STK33: variants seen among roughly 807,000 people sequenced by gnomAD.
STK33 encodes serine/threonine-protein kinase 33.
In STK33, 52 loss-of-function variants were observed where a neutral mutation model predicts 58.0. That is an observed-to-expected ratio of 0.90 (90% CI 0.72 to 1.13). The LOEUF (loss-of-function observed/expected upper bound fraction) is 1.13. STK33 is among the 50% of genes most tolerant of loss of function. STK33 has a pLI of 0.00. For missense variants in STK33, 630 were observed against 604.2 expected (o/e 1.04, Z -0.45); for synonymous variants, 215 against 200.1 (o/e 1.07, Z -0.63).
chr11:8,392,683 C>T lies in STK33; in HGVS notation c.1372G>A (p.Ala458Thr). 1 of 1,614,160 alleles carries T rather than the reference C, an allele frequency of 6.2e-7. No individual in the cohort carries two copies. The highest frequency in any genetic ancestry group is 8.5e-7 in the Non-Finnish European group (1 of 1,180,030). ...ATATCAAAGTTGTCCTTACTGGTTG[C>T]AGGAAATTGCTTTTCATAAGCAGTA... ...QSTAYEKQFP[A>T]TSKDNFDMCS... Residue 458 changes from alanine to threonine, a missense_variant, in exon 16 of 16, where the codon GCA (alanine) becomes ACA (threonine). By Grantham distance (58) the Ala-to-Thr change is moderately conservative. Coordinates refer to ENST00000687296, the MANE Select transcript of STK33 (RefSeq NM_001352389.2).
chr11:8,489,420 T>A (rs547200255), intron 1 of STK33, among the ~76,000 whole-genome samples: 6 of 152,302 alleles, frequency 3.9e-5, no homozygotes, highest in African/African-American at 1.4e-4. Flanking sequence ...CTGAATAATT[T>A]CTAAAGAACA....
chr11:8,452,565 G>T (rs567736534), intron 11 of STK33, among the ~76,000 whole-genome samples: 3 of 152,158 alleles, frequency 2.0e-5, no homozygotes, highest in East Asian at 3.9e-4. Context: ...GAGGGATCAC[G>T]TGAGCCCAGG....
chr11:8,452,716 A>C (rs2136951113), intron 11 of STK33, 106 bp downstream of exon 11: 1 of 905,620 alleles, frequency 1.1e-6, no homozygotes, highest in African/African-American at 1.6e-5. Context: ...TGAGCCCAGG[A>C]GGTCAAGGCT....
chr11:8,413,443 T>C, intron 15 of STK33, 52 bp downstream of exon 15: 1 of 1,586,886 alleles, frequency 6.3e-7, no homozygotes, highest in Non-Finnish European at 8.6e-7. Flanking sequence ...ATGTTCCAGG[T>C]GTGGTGAGGG....
chr11:8,348,305 G>C, the STK33 span, among the ~76,000 whole-genome samples: 1 of 152,304 alleles, frequency 6.6e-6, no homozygotes, highest in South Asian at 2.1e-4. Context: ...TTGACTCACA[G>C]TTCTGCAGGG....
intron 15 of STK33, among the ~76,000 whole-genome samples, chr11:8,399,513 C>T (rs1372486094): frequency 3.9e-5 from 6 of 152,156 alleles, no homozygotes; most frequent in African/African-American, 1.4e-4. Context: ...CAAGAGAAAG[C>T]AGGAAAGATC....
At chr11:8,464,130 TG>T (rs1202684032) in intron 7 of STK33, among the ~76,000 whole-genome samples, 3 of 152,194 alleles carry the variant, frequency 2.0e-5, no homozygotes, top group Non-Finnish European at 4.4e-5. Context: ...AATGATCAGG[TG>T]TAAAGTCTGA....
intron 1 of STK33, among the ~76,000 whole-genome samples, chr11:8,563,753 CTT>C (rs1485324273): frequency 6.6e-6 from 1 of 152,098 alleles, no homozygotes; most frequent in Non-Finnish European, 1.5e-5. Flanking sequence ...ATGTCACTAA[CTT>C]AATAATTACA....
the STK33 span, among the ~76,000 whole-genome samples, chr11:8,370,340 G>A: frequency 6.6e-6 from 1 of 152,076 alleles, no homozygotes; most frequent in Non-Finnish European, 1.5e-5. Flanking sequence ...TGGGACTACA[G>A]AAGCATGCCA....
Position 8,392,541 on chromosome 11 carries a change from C to G in STK33, c.1514G>C (p.Gly505Ala), listed in dbSNP as rs1420282677. The change falls in exon 16 of 16, where the codon GGC (glycine) becomes GCC (alanine). Residue 505 changes from glycine to alanine, a missense_variant. Physicochemically the swap from Gly to Ala is moderately conservative, Grantham distance 60. Transcript: ENST00000687296. ...GTATKYPAKS[G>A]ALSRTKKKL ...TTTCTTTTTGGTTCTGGACAGGGCG[C>G]CGGATTTAGCAGGGTACTTGGTTGC... 6.8e-6 allele frequency: 11 copies of G among 1,609,750 alleles called. No homozygotes were observed. The highest frequency in any genetic ancestry group is 7.6e-6 in the Non-Finnish European group (9 of 1,177,476).
intron 14 of STK33, 55 bp from the exon 15 acceptor site, chr11:8,413,747 T>C (rs1940685343): frequency 1.4e-6 from 2 of 1,470,836 alleles, no homozygotes; most frequent in Admixed American, 1.8e-5. Context: ...ATTGAGACGA[T>C]ACCTACATCA....
chr11:8,521,032 T>C (rs1167078467), intron 1 of STK33, among the ~76,000 whole-genome samples: 1 of 149,598 alleles, frequency 6.7e-6, no homozygotes, highest in Non-Finnish European at 1.5e-5. Flanking sequence ...TTATATTTAT[T>C]TATAAATAAA....
chr11:8,560,951 C>G lies in STK33; in HGVS notation c.-466+33132G>C, dbSNP rs112721550. On this transcript the variant is annotated intron_variant, in intron 1 of 15. Coordinates refer to ENST00000687296, the MANE Select transcript of STK33 (RefSeq NM_001352389.2). ...CTGTTATCTACTGACTCTCTCTCCA[C>G]GAAGATAAATGGGAGTTCAAACTCT... Among the ~76,000 whole-genome samples, 156 of 152,280 alleles carry G rather than the reference C, an allele frequency of 1.0e-3. 1 individual carries two copies. Among genetic ancestry groups the G allele is most frequent in the African/African-American group, 3.5e-3 (146 of 41,562 alleles).
At chr11:8,556,535 C>T (rs1050320441) in intron 1 of STK33, among the ~76,000 whole-genome samples, 2 of 152,118 alleles carry the variant, frequency 1.3e-5, no homozygotes, top group African/African-American at 4.8e-5. Flanking sequence ...ATCCTTCCAC[C>T]CCCTTTCCCT....
chr11:8,400,058 C>A (rs1487453756), intron 15 of STK33, among the ~76,000 whole-genome samples: 4 of 152,192 alleles, frequency 2.6e-5, no homozygotes, highest in African/African-American at 9.6e-5. Context: ...GAGCTGGTAC[C>A]ATTCCTTCTG....
At chr11:8,558,352 G>A (rs908228392) in intron 1 of STK33, among the ~76,000 whole-genome samples, 1 of 152,034 alleles carries the variant, frequency 6.6e-6, no homozygotes, top group Non-Finnish European at 1.5e-5. Flanking sequence ...AGGACTTACG[G>A]GGGAAATGTA....
chr11:8,565,807 C>G (rs932737053), intron 1 of STK33: 1 of 152,230 alleles, frequency 6.6e-6, no homozygotes, highest in Non-Finnish European at 1.5e-5. Flanking sequence ...TCTGCTTCTG[C>G]CTATCTCTAG....
intron 15 of STK33, among the ~76,000 whole-genome samples, chr11:8,403,926 G>T (rs1423212962): frequency 3.9e-5 from 6 of 152,184 alleles, no homozygotes; most frequent in Non-Finnish European, 8.8e-5. Context: ...GAAACTGTTA[G>T]CATTTCTCTG....
chr11:8,516,072 C>T (rs1385083459), intron 1 of STK33, among the ~76,000 whole-genome samples: 1 of 152,208 alleles, frequency 6.6e-6, no homozygotes, highest in Non-Finnish European at 1.5e-5. Flanking sequence ...CTAAAATTCA[C>T]ATGCAACCAC....
Sources: gnomAD v4.1 joint callset for allele counts (sites outside exome capture counted in the v4.1 genomes callset) on GRCh38, gnomAD v4.1.1 for gene constraint, MANE v1.5 for transcripts, NCBI Gene and HGNC (gene_info 2026-07-23, HGNC 2026-07-21) for gene names.